The following PSPC1 variants were observed in gnomAD, a reference collection of about 807,000 sequenced individuals.
PSPC1 encodes paraspeckle component 1.
A neutral mutation model predicts 51.6 loss-of-function variants in PSPC1; 14 were observed. The ratio of observed to expected loss-of-function variants is 0.27; its 90% confidence interval spans 0.18 to 0.42. The LOEUF (loss-of-function observed/expected upper bound fraction) is 0.42, where lower values mean the gene tolerates loss of function less well. PSPC1 is among the 10% of genes least tolerant of loss of function. The pLI is 1.00. For synonymous variants in PSPC1, 193 were observed against 231.9 expected (o/e 0.83, Z 1.53); for missense variants, 406 against 701.1 (o/e 0.58, Z 4.75).
At chr13:19,731,863 G>A (rs1884161791) in intron 5 of PSPC1, among the ~76,000 whole-genome samples, 1 of 152,118 alleles carries the variant, frequency 6.6e-6, no homozygotes, top group South Asian at 2.1e-4. Context: ...GTCCCATAAT[G>A]GATACTCAAG....
At chr13:19,688,646 G>A (rs1878206602) in intron 6 of PSPC1, among the ~76,000 whole-genome samples, 1 of 152,154 alleles carries the variant, frequency 6.6e-6, no homozygotes, top group African/African-American at 2.4e-5. Flanking sequence ...CGCTGGCTGC[G>A]TTTATCTTCG....
Position 19,706,295 on chromosome 13 carries a change from T to C in PSPC1, c.1217-464A>G, listed in dbSNP as rs149863197. ...AGAGAGGAAATCATTTCCTGCAATATATAAATAAAGATCATTATAACTAGC... is the reference window on the plus strand; with the variant it reads ...AGAGAGGAAATCATTTCCTGCAATACATAAATAAAGATCATTATAACTAGC... On this transcript the variant is annotated intron_variant, in intron 7 of 8. Coordinates refer to ENST00000338910, the MANE Select transcript of PSPC1 (RefSeq NM_001354909.2). Among the ~76,000 whole-genome samples, 87 of 152,064 alleles carry C rather than the reference T, an allele frequency of 5.7e-4. 1 individual carries two copies. In the East Asian group the frequency reaches 0.016, roughly 29 times the overall value.
chr13:19,671,280 C>T (rs756601872), downstream of PSPC1: 2 of 1,612,548 alleles, frequency 1.2e-6, no homozygotes, highest in Non-Finnish European at 1.7e-6. Context: ...CAGAAGCACC[C>T]TCTGCCAAGG....
chr13:19,719,183 TAGC>T (rs1882474255), intron 6 of PSPC1, among the ~76,000 whole-genome samples: 1 of 151,552 alleles, frequency 6.6e-6, no homozygotes, highest in Non-Finnish European at 1.5e-5. Flanking sequence ...AACACTTTGA[TAGC>T]AGGAGAAGCT....
chr13:19,761,425 T>C (rs909186806), intron 2 of PSPC1, among the ~76,000 whole-genome samples: 2 of 152,142 alleles, frequency 1.3e-5, no homozygotes, highest in African/African-American at 4.8e-5. Flanking sequence ...TTAAAATCTA[T>C]TTATACTACC....
intron 6 of PSPC1, among the ~76,000 whole-genome samples, chr13:19,679,366 C>A (rs1877020596): frequency 6.6e-6 from 1 of 152,104 alleles, no homozygotes; most frequent in Non-Finnish European, 1.5e-5. Flanking sequence ...CGTGGTGGTA[C>A]ATGCCTGTAG....
chr13:19,752,802 G>A (rs1886696220), intron 3 of PSPC1, among the ~76,000 whole-genome samples: 1 of 151,834 alleles, frequency 6.6e-6, no homozygotes, highest in South Asian at 2.1e-4. Context: ...TGGCCAGGCT[G>A]GTCTTGAACT....
intron 6 of PSPC1, among the ~76,000 whole-genome samples, chr13:19,725,769 T>C (rs1883300881): frequency 6.6e-6 from 1 of 152,210 alleles, no homozygotes; most frequent in South Asian, 2.1e-4. Flanking sequence ...TAATATGTCC[T>C]GCACATATAG....
Position 19,711,258 on chromosome 13 carries a change from G to A in PSPC1, c.1159-1659C>T, listed in dbSNP as rs374222217. ...ACTGAGGCGGGGTGCAGTGGCTCAC[G>A]CCAGTAATCCCAACACTTTGGGAGG... is the stretch of plus-strand genomic sequence containing the variant. On this transcript the variant is annotated intron_variant, in intron 6 of 8. Coordinates refer to ENST00000338910, the MANE Select transcript of PSPC1 (RefSeq NM_001354909.2). Among the ~76,000 whole-genome samples, 6 of 152,256 alleles carry A rather than the reference G, an allele frequency of 3.9e-5. No homozygotes were observed. In the East Asian group the frequency reaches 9.7e-4, roughly 25 times the overall value.
chr13:19,769,381 C>A (rs1396483185), intron 2 of PSPC1, among the ~76,000 whole-genome samples: 2 of 152,088 alleles, frequency 1.3e-5, no homozygotes, highest in African/African-American at 4.8e-5. Flanking sequence ...CAGTGAAACC[C>A]CGTCTCTACT....
At position 19,730,965 on chromosome 13, in the gene PSPC1, C is replaced by CAAACA. The variant is rs1491536715; in HGVS notation, c.1053-622_1053-621insTGTTT. Among the ~76,000 whole-genome samples, 28 of 37,304 alleles carry CAAACA rather than the reference C, an allele frequency of 7.5e-4. 1 individual carries two copies. The highest frequency in any genetic ancestry group is 2.2e-3 in the Admixed American group (6 of 2,674). The allele number at this position is 37,304 out of a possible 152,430, so 24.5% of individuals were successfully genotyped here. On this transcript the variant is annotated intron_variant, in intron 5 of 8. Transcript: ENST00000338910. ...GTCTCAGAAAAAAAAAACAAAAAAA[C>CAAACA]AAAAAAAAAAAAAACAGAAAAAGTC... is the stretch of plus-strand genomic sequence containing the variant.
At chr13:19,753,283 CAAAAAAAAAA>C (rs1184204944) in intron 3 of PSPC1, among the ~76,000 whole-genome samples, 11 of 64,552 alleles carry the variant, frequency 1.7e-4, no homozygotes, top group African/African-American at 5.8e-4. Context: ...GACTCCATCT[CAAAAAAAAAA>C]AAAAAAAAAA....
chr13:19,689,389 T>C (rs1417433946), intron 6 of PSPC1, among the ~76,000 whole-genome samples: 1 of 152,196 alleles, frequency 6.6e-6, no homozygotes, highest in African/African-American at 2.4e-5. Context: ...ATACTATAGA[T>C]TAGCTATATA....
intron 3 of PSPC1, among the ~76,000 whole-genome samples, chr13:19,757,424 C>T (rs1010289440): frequency 2.0e-5 from 3 of 152,106 alleles, no homozygotes; most frequent in African/African-American, 7.2e-5. Context: ...AGAGACTATG[C>T]CCCAAGTCAG....
At chr13:19,765,915 A>AT (rs1043958556) in intron 2 of PSPC1, among the ~76,000 whole-genome samples, 4 of 152,062 alleles carry the variant, frequency 2.6e-5, no homozygotes, top group Non-Finnish European at 2.9e-5. Flanking sequence ...TTCTTAAAGA[A>AT]TTTTTTTTGT....
intron 6 of PSPC1, among the ~76,000 whole-genome samples, chr13:19,682,831 G>C (rs956043549): frequency 6.6e-6 from 1 of 151,976 alleles, no homozygotes; most frequent in African/African-American, 2.4e-5. Flanking sequence ...GAAGGCCGAG[G>C]TGGGAGAATC....
At chr13:19,749,318 A>G (rs1282862878) in intron 4 of PSPC1, among the ~76,000 whole-genome samples, 1 of 152,134 alleles carries the variant, frequency 6.6e-6, no homozygotes, top group African/African-American at 2.4e-5. Context: ...AATGCACTCC[A>G]GCCTGGGCGA....
At chr13:19,700,335 A>C (rs780549222), downstream of PSPC1, among the ~76,000 whole-genome samples, 1 of 152,102 alleles carries the variant, frequency 6.6e-6, no homozygotes, top group Admixed American at 6.6e-5. Flanking sequence ...TACAATTCCT[A>C]TTTTTATTAA....
chr13:19,768,454 T>C (rs1424961758), intron 2 of PSPC1, among the ~76,000 whole-genome samples: 1 of 150,852 alleles, frequency 6.6e-6, no homozygotes, highest in African/African-American at 2.5e-5. Context: ...GAGACCATCC[T>C]GGCTAACATG....
Sources: allele counts gnomAD v4.1 joint callset (sites outside exome capture counted in the v4.1 genomes callset), GRCh38; gene constraint gnomAD v4.1.1; transcripts MANE v1.5; gene names NCBI Gene and HGNC (gene_info 2026-07-23, HGNC 2026-07-21).